Variants in NDUFS4 observed in about 807,000 individuals in gnomAD.
The protein encoded by NDUFS4 is NADH:ubiquinone oxidoreductase subunit S4.
A neutral mutation model predicts 24.3 loss-of-function variants in NDUFS4; 28 were observed. The observed-to-expected ratio is 1.15, with a 90% confidence interval of 0.85 to 1.58. The LOEUF (loss-of-function observed/expected upper bound fraction) is 1.58, where lower values mean the gene tolerates loss of function less well. NDUFS4 is among the 40% of genes most tolerant of loss of function. NDUFS4 has a pLI of 0.00. For synonymous variants in NDUFS4, 93 were observed against 69.7 expected (o/e 1.34, Z -1.67); for missense variants, 223 against 207.9 (o/e 1.07, Z -0.45).
chr5:53,657,222 A>G (rs1037183571), intron 3 of NDUFS4, among the ~76,000 whole-genome samples: 1 of 152,140 alleles, frequency 6.6e-6, no homozygotes, highest in African/African-American at 2.4e-5. Flanking sequence ...TATATACTTT[A>G]ACTATCAACT....
intron 2 of NDUFS4, among the ~76,000 whole-genome samples, chr5:53,624,273 C>T (rs1201912651): frequency 2.0e-5 from 3 of 152,090 alleles, no homozygotes; most frequent in Admixed American, 2.0e-4. Flanking sequence ...GTTTTAAAAT[C>T]GGGATTTATG....
At chr5:53,679,326 A>G (rs1363913176) in intron 4 of NDUFS4, among the ~76,000 whole-genome samples, 3 of 150,756 alleles carry the variant, frequency 2.0e-5, no homozygotes, top group African/African-American at 7.3e-5. Flanking sequence ...TAGAAAATGC[A>G]TGCTTCTTCT....
At chr5:53,672,026 C>T (rs1211673117) in intron 4 of NDUFS4, among the ~76,000 whole-genome samples, 1 of 151,948 alleles carries the variant, frequency 6.6e-6, no homozygotes, top group Non-Finnish European at 1.5e-5. Flanking sequence ...GGAAAACCCG[C>T]CTCTGAAGTA....
At chr5:53,671,380 T>C (rs1740234362) in intron 4 of NDUFS4, among the ~76,000 whole-genome samples, 1 of 152,102 alleles carries the variant, frequency 6.6e-6, no homozygotes, top group African/African-American at 2.4e-5. Flanking sequence ...AAAGACTGAA[T>C]GCTCCCTATG....
chr5:53,611,465 T>G (rs1750695194), intron 2 of NDUFS4, among the ~76,000 whole-genome samples: 1 of 152,048 alleles, frequency 6.6e-6, no homozygotes, highest in Non-Finnish European at 1.5e-5. Flanking sequence ...CAATTTTAGT[T>G]TGTTGTGTAT....
At chr5:53,607,194 A>C (rs543688266) in intron 2 of NDUFS4, among the ~76,000 whole-genome samples, 66 of 152,312 alleles carry the variant, frequency 4.3e-4, no homozygotes, top group Non-Finnish European at 6.6e-4. Flanking sequence ...TGAACCTGTC[A>C]CTTCAAGGAG....
chr5:53,583,693 T>A (rs1208439637), intron 1 of NDUFS4, among the ~76,000 whole-genome samples: 2 of 152,230 alleles, frequency 1.3e-5, no homozygotes, highest in Non-Finnish European at 2.9e-5. Flanking sequence ...AAGGGATTTT[T>A]AAATATTATA....
At chr5:53,587,059 A>G (rs1216239445) in intron 1 of NDUFS4, among the ~76,000 whole-genome samples, 2 of 151,542 alleles carry the variant, frequency 1.3e-5, no homozygotes, top group Non-Finnish European at 2.9e-5. Context: ...TCTTACCTCA[A>G]GTGATCTGCC....
chr5:53,633,953 AT>A, intron 2 of NDUFS4, among the ~76,000 whole-genome samples: 1 of 152,316 alleles, frequency 6.6e-6, no homozygotes, highest in African/African-American at 2.4e-5. Flanking sequence ...ACCACTTGGG[AT>A]TTTGATAAAT....
At chr5:53,683,082 T>C (rs1444945924) in intron 4 of NDUFS4, 36 bp from the exon 5 acceptor site, 1 of 1,365,568 alleles carries the variant, frequency 7.3e-7, no homozygotes, top group Non-Finnish European at 1.0e-6. Flanking sequence ...TCTTTAATTC[T>C]GTTTCTGTGG....
chr5:53,571,810 A>G (rs919073583), intron 1 of NDUFS4, among the ~76,000 whole-genome samples: 3 of 152,200 alleles, frequency 2.0e-5, no homozygotes, highest in African/African-American at 7.2e-5. Flanking sequence ...GCATTTCTCT[A>G]ATGGCAAATG....
intron 4 of NDUFS4, among the ~76,000 whole-genome samples, chr5:53,676,830 G>A (rs1177460450): frequency 2.6e-5 from 4 of 151,586 alleles, no homozygotes; most frequent in Admixed American, 1.3e-4. Flanking sequence ...TAAACTTTAC[G>A]TGAATTCATG....
At chr5:53,654,993 T>C (rs1180653940) in intron 3 of NDUFS4, among the ~76,000 whole-genome samples, 1 of 152,202 alleles carries the variant, frequency 6.6e-6, no homozygotes, top group East Asian at 1.9e-4. Flanking sequence ...GACATTATAA[T>C]TATGAAACAA....
intron 2 of NDUFS4, among the ~76,000 whole-genome samples, chr5:53,643,063 A>G (rs1160939945): frequency 6.6e-6 from 1 of 152,174 alleles, no homozygotes; most frequent in African/African-American, 2.4e-5. Flanking sequence ...TTCAACAATT[A>G]AGTTTTAAAA....
At chr5:53,626,859 T>C (rs1213649216) in intron 2 of NDUFS4, among the ~76,000 whole-genome samples, 2 of 152,246 alleles carry the variant, frequency 1.3e-5, no homozygotes, top group African/African-American at 2.4e-5. Flanking sequence ...GATAGTTTCT[T>C]TTGCTGTGCA....
intron 2 of NDUFS4, among the ~76,000 whole-genome samples, chr5:53,623,003 A>T (rs1751100067): frequency 6.6e-6 from 1 of 152,134 alleles, no homozygotes; most frequent in Non-Finnish European, 1.5e-5. Flanking sequence ...TGTATATCAC[A>T]CTTTGTTTAT....
At chr5:53,585,084 AATCTT>A (rs1749703557) in intron 1 of NDUFS4, among the ~76,000 whole-genome samples, 1 of 152,214 alleles carries the variant, frequency 6.6e-6, no homozygotes, top group East Asian at 1.9e-4. Context: ...AAAGTTAAAA[AATCTT>A]AGGTGAATAT....
At chr5:53,580,796 T>C (rs1749543989) in intron 1 of NDUFS4, among the ~76,000 whole-genome samples, 1 of 151,208 alleles carries the variant, frequency 6.6e-6, no homozygotes, top group Admixed American at 6.6e-5. Flanking sequence ...TTTCTCTTTC[T>C]CTCTTTCTTT....
At chr5:53,585,561 G>A (rs1174724776) in intron 1 of NDUFS4, among the ~76,000 whole-genome samples, 1 of 151,874 alleles carries the variant, frequency 6.6e-6, no homozygotes, top group African/African-American at 2.4e-5. Context: ...GCCTCAACAT[G>A]GAGAAACCCC....
Sources: gnomAD v4.1 joint callset for allele counts (sites outside exome capture counted in the v4.1 genomes callset) on GRCh38, gnomAD v4.1.1 for gene constraint, MANE v1.5 for transcripts, NCBI Gene and HGNC (gene_info 2026-07-23, HGNC 2026-07-21) for gene names.